The following SEC22A variants were observed in gnomAD, a reference collection of about 807,000 sequenced individuals.
The protein encoded by SEC22A is SEC22 homolog A, vesicle trafficking protein.
Under a neutral mutation model 35.3 loss-of-function variants are expected in SEC22A, and 22 were observed. The ratio of observed to expected loss-of-function variants is 0.62; its 90% confidence interval spans 0.45 to 0.89. The LOEUF (loss-of-function observed/expected upper bound fraction) is 0.89. Ranked by LOEUF, SEC22A falls within the 40% of genes least tolerant of loss-of-function variation. SEC22A has a pLI of 0.00. For synonymous variants in SEC22A, 119 were observed against 129.5 expected, an observed-to-expected ratio of 0.92 and a Z score of 0.55; for missense variants, 354 against 362.5, an observed-to-expected ratio of 0.98 and a Z score of 0.19.
At chr3:123,270,127 C>G (rs1242626126) in intron 6 of SEC22A, among the ~76,000 whole-genome samples, 2 of 152,084 alleles carry the variant, frequency 1.3e-5, no homozygotes, top group Non-Finnish European at 2.9e-5. Flanking sequence ...GATGATTATA[C>G]TATGATTACA....
At chr3:123,259,989 G>A (rs138852409) in intron 6 of SEC22A, among the ~76,000 whole-genome samples, 2,270 of 151,822 alleles carry the variant, frequency 0.015, 54 homozygotes, top group African/African-American at 0.052. Flanking sequence ...AAAATTAGCC[G>A]GGCATGGTGA....
At chr3:123,234,582 C>T (rs1034548012) in intron 4 of SEC22A, among the ~76,000 whole-genome samples, 2 of 151,668 alleles carry the variant, frequency 1.3e-5, no homozygotes, top group South Asian at 4.2e-4. Context: ...AGTTGGACCC[C>T]TACCTCAAAA....
intron 1 of SEC22A, 195 bp from the exon 2 acceptor site, chr3:123,209,004 A>G: frequency 2.3e-6 from 1 of 442,284 alleles, no homozygotes; most frequent in East Asian, 4.6e-5. Flanking sequence ...CATGTTGGCC[A>G]GGCTGGTCTC....
At chr3:123,224,351 AATTT>A (rs1937183330) in intron 3 of SEC22A, among the ~76,000 whole-genome samples, 1 of 152,168 alleles carries the variant, frequency 6.6e-6, no homozygotes, top group African/African-American at 2.4e-5. Flanking sequence ...AGTTTTATTC[AATTT>A]ATTCTTTAAA....
At chr3:123,243,480 C>T (rs770373210) in intron 4 of SEC22A, among the ~76,000 whole-genome samples, 6 of 152,100 alleles carry the variant, frequency 3.9e-5, no homozygotes, top group Non-Finnish European at 8.8e-5. Context: ...CATTTCTTCC[C>T]CTTTGTACCT....
chr3:123,205,964 T>C (rs1457498259), intron 1 of SEC22A, among the ~76,000 whole-genome samples: 1 of 152,190 alleles, frequency 6.6e-6, no homozygotes, highest in East Asian at 1.9e-4. Flanking sequence ...TTAGAAAGCA[T>C]GGATCATATA....
In SEC22A at chr3:123,273,248, A is replaced by G. The variant is rs1283376646; in HGVS notation, c.*1526A>G. On this transcript the variant is annotated 3_prime_UTR_variant, in exon 7 of 7. Coordinates refer to ENST00000492595, the MANE Select transcript of SEC22A (RefSeq NM_012430.5). ...TTTGCGTGAACCAGTATTTGTGGAT[A>G]TGTCTAGAACTGTAAAATCTTGCTT... 2 of 152,250 alleles carry G rather than the reference A, an allele frequency of 1.3e-5. No homozygotes were observed. Among genetic ancestry groups the G allele is most frequent in the African/African-American group, 4.8e-5 (2 of 41,478 alleles). The allele number at this position is 152,250 out of a possible 1,614,324, so 9.4% of individuals were successfully genotyped here.
chr3:123,253,439 C>T (rs1455139557), intron 5 of SEC22A, among the ~76,000 whole-genome samples: 1 of 151,824 alleles, frequency 6.6e-6, no homozygotes, highest in East Asian at 1.9e-4. Context: ...GCTGGCCAGG[C>T]ACGGTGGCTC....
At position 123,225,234 on chromosome 3, in the gene SEC22A, T is replaced by A. The variant is rs1937200092; in HGVS notation, c.478T>A (p.Ser160Thr). Residue 160 changes from serine to threonine, a missense_variant, in exon 4 of 7, where the codon TCA becomes ACA. Physicochemically the swap from Ser to Thr is moderately conservative, Grantham distance 58. Coordinates refer to ENST00000492595, the MANE Select transcript of SEC22A (RefSeq NM_012430.5). ...TCAAATTTCCATGTGCGAACTGGGGTCAGCCAATGGAGTCACATCAGCATT... is the reference window on the plus strand; with the variant it reads ...TCAAATTTCCATGTGCGAACTGGGGACAGCCAATGGAGTCACATCAGCATT... ...PYQISMCELG[S>T]ANGVTSAFSV... 6.2e-7 allele frequency: 1 copy of A among 1,613,634 alleles called. No homozygotes were observed. The highest frequency in any genetic ancestry group is 8.5e-7 in the Non-Finnish European group (1 of 1,179,742).
At chr3:123,224,918 A>G (rs1937194620) in intron 3 of SEC22A, among the ~76,000 whole-genome samples, 185 bp from the exon 4 acceptor site, 1 of 152,216 alleles carries the variant, frequency 6.6e-6, no homozygotes, top group Non-Finnish European at 1.5e-5. Flanking sequence ...TGATTTCTAG[A>G]GGGTAAAACT....
intron 1 of SEC22A, among the ~76,000 whole-genome samples, chr3:123,207,994 AAAT>A (rs1325872074): frequency 9.2e-5 from 14 of 152,220 alleles, no homozygotes; most frequent in East Asian, 5.8e-4. Flanking sequence ...GGAAATTATA[AAAT>A]AATAATAACC....
intron 6 of SEC22A, among the ~76,000 whole-genome samples, chr3:123,264,156 A>G (rs1937966262): frequency 2.0e-5 from 3 of 152,002 alleles, no homozygotes; most frequent in South Asian, 4.2e-4. Flanking sequence ...CAATCCTCCC[A>G]CCTCAGCCCC....
chr3:123,212,376 A>T (rs1221191617), intron 2 of SEC22A, among the ~76,000 whole-genome samples: 2 of 152,108 alleles, frequency 1.3e-5, no homozygotes, highest in Non-Finnish European at 2.9e-5. Flanking sequence ...AACTTGAAAT[A>T]TTTCAATATT....
chr3:123,204,858 C>T (rs776442365), intron 1 of SEC22A: 3 of 152,164 alleles, frequency 2.0e-5, no homozygotes, highest in African/African-American at 2.4e-5. Flanking sequence ...TCTATGGCCC[C>T]GATAAGCTAA....
chr3:123,270,674 A>G (rs115649802), intron 6 of SEC22A, among the ~76,000 whole-genome samples: 1 of 152,360 alleles, frequency 6.6e-6, no homozygotes, highest in African/African-American at 2.4e-5. Context: ...CAAACAAAAT[A>G]AGCACATTTC....
chr3:123,210,027 G>A (rs1936913876), intron 2 of SEC22A, among the ~76,000 whole-genome samples: 1 of 152,228 alleles, frequency 6.6e-6, no homozygotes, highest in Non-Finnish European at 1.5e-5. Context: ...ACAATTAATA[G>A]AGTTGCAGAA....
At chr3:123,268,623 T>C (rs1938076670) in intron 6 of SEC22A, among the ~76,000 whole-genome samples, 1 of 152,236 alleles carries the variant, frequency 6.6e-6, no homozygotes, top group Non-Finnish European at 1.5e-5. Flanking sequence ...TACCTTAAAA[T>C]ACTTCATGAT....
Position 123,207,069 on chromosome 3 carries a change from C to G in SEC22A, c.-19-2130C>G, listed in dbSNP as rs76316549. Among the ~76,000 whole-genome samples, 1,046 of 152,244 alleles carry G rather than the reference C, an allele frequency of 6.9e-3. 17 individuals carry two copies. The highest frequency in any genetic ancestry group is 0.024 in the African/African-American group (1,002 of 41,538). ...CACCACTACACTCGTCTGGGTGACA[C>G]AGTGAGACCCTGTCTCTGAAGGAGA... On this transcript the variant is annotated intron_variant, in intron 1 of 6. Transcript: ENST00000492595.
intron 4 of SEC22A, among the ~76,000 whole-genome samples, chr3:123,245,569 C>T (rs1397256203): frequency 2.0e-5 from 3 of 151,992 alleles, no homozygotes; most frequent in East Asian, 1.9e-4. Flanking sequence ...CATGGTGGCA[C>T]GTGCCTGTAA....
Sources: gnomAD v4.1 joint callset for allele counts (sites outside exome capture counted in the v4.1 genomes callset) on GRCh38, gnomAD v4.1.1 for gene constraint, MANE v1.5 for transcripts, NCBI Gene and HGNC (gene_info 2026-07-23, HGNC 2026-07-21) for gene names.